VEGFC: variants seen among roughly 807,000 people sequenced by gnomAD.
VEGFC encodes the protein FLT4 ligand DHM.
A neutral mutation model predicts 46.1 loss-of-function variants in VEGFC; 12 were observed. The observed-to-expected ratio is 0.26, with a 90% confidence interval of 0.17 to 0.42. The LOEUF is 0.42. VEGFC is among the 10% of genes least tolerant of loss of function. VEGFC has a pLI of 1.00. For missense variants in VEGFC, 488 were observed against 529.4 expected (o/e 0.92, Z 0.77); for synonymous variants, 232 against 195.5 (o/e 1.19, Z -1.56).
intron 1 of VEGFC, among the ~76,000 whole-genome samples, chr4:176,764,393 C>T (rs564874606): frequency 1.2e-4 from 18 of 152,270 alleles, no homozygotes; most frequent in South Asian, 8.3e-4. Flanking sequence ...GCTAAGATCA[C>T]GGACAGAGGG....
intron 4 of VEGFC, among the ~76,000 whole-genome samples, chr4:176,698,721 C>G (rs1021856264): frequency 2.6e-5 from 4 of 152,040 alleles, no homozygotes; most frequent in African/African-American, 9.7e-5. Context: ...CCATGTCCCC[C>G]ACCCCCAAGA....
chr4:176,762,377 G>T (rs1269643962), intron 1 of VEGFC, among the ~76,000 whole-genome samples: 1 of 152,098 alleles, frequency 6.6e-6, no homozygotes, highest in Admixed American at 6.6e-5. Context: ...CTGTCCGTCT[G>T]CCATGTGAGG....
chr4:176,742,114 T>G (rs148733640), intron 1 of VEGFC, among the ~76,000 whole-genome samples: 16 of 152,106 alleles, frequency 1.1e-4, no homozygotes, highest in African/African-American at 3.6e-4. Flanking sequence ...GAGTCCCCAG[T>G]GTCTACTGTT....
rs144254091 is a variant in VEGFC, at chr4:176,738,357, T to C, written c.148-8611A>G. Among the ~76,000 whole-genome samples the C allele has an allele frequency of 9.6e-3, 1,463 of 151,946 alleles. 12 individuals are homozygous for C. Among genetic ancestry groups the C allele is most frequent in the Non-Finnish European group, 0.016 (1,102 of 67,944 alleles). On this transcript the variant is annotated intron_variant, in intron 1 of 6. Coordinates refer to ENST00000618562, the MANE Select transcript of VEGFC (RefSeq NM_005429.5). Reference sequence around the variant, plus strand: ...GGATACTGGTACAAGAAGAGACACATAGACCAATGGAACAGAACAGAGAAC... The same window carrying C: ...GGATACTGGTACAAGAAGAGACACACAGACCAATGGAACAGAACAGAGAAC...
chr4:176,686,910 T>A lies in VEGFC; in HGVS notation c.1145+277A>T, dbSNP rs13142168. On this transcript the variant is annotated intron_variant, in intron 6 of 6. Coordinates refer to ENST00000618562, the MANE Select transcript of VEGFC (RefSeq NM_005429.5). ...TTGGTGGGGGTGAAGTGGATTGCCT[T>A]TAGGTATTTTGAAAACATCCCACAG... 0.63 allele frequency among the ~76,000 whole-genome samples: 95,119 copies of A among 151,972 alleles called. 30,812 individuals are homozygous for A. Among genetic ancestry groups the A allele is most frequent in the South Asian group, 0.74 (3,556 of 4,814 alleles).
intron 1 of VEGFC, among the ~76,000 whole-genome samples, chr4:176,756,960 A>G (rs1735443824): frequency 1.3e-5 from 2 of 152,052 alleles, no homozygotes; most frequent in Non-Finnish European, 1.5e-5. Context: ...GTAAAATGAA[A>G]AATCAAGGAT....
intron 1 of VEGFC, among the ~76,000 whole-genome samples, chr4:176,768,012 G>T (rs940181725): frequency 6.6e-6 from 1 of 152,180 alleles, no homozygotes. Flanking sequence ...AAAGAAAGAA[G>T]TCAAGGATGA....
intron 1 of VEGFC, among the ~76,000 whole-genome samples, chr4:176,784,694 A>G (rs967203834): frequency 1.5e-5 from 2 of 135,322 alleles, no homozygotes; most frequent in Non-Finnish European, 3.1e-5. Flanking sequence ...CGGAGCTTGC[A>G]GTGAGCTGAG....
At chr4:176,784,937 A>G (rs1266904390) in intron 1 of VEGFC, among the ~76,000 whole-genome samples, 1 of 152,052 alleles carries the variant, frequency 6.6e-6, no homozygotes, top group Non-Finnish European at 1.5e-5. Flanking sequence ...GGACATGAAT[A>G]CAGAAAGGCA....
intron 1 of VEGFC, among the ~76,000 whole-genome samples, chr4:176,769,677 G>A (rs1735690609): frequency 6.6e-6 from 1 of 152,120 alleles, no homozygotes; most frequent in Non-Finnish European, 1.5e-5. Flanking sequence ...GGGAACTAAT[G>A]CTTTATCAGT....
chr4:176,696,945 A>C (rs1194532029), intron 4 of VEGFC, among the ~76,000 whole-genome samples: 8 of 151,464 alleles, frequency 5.3e-5, no homozygotes, highest in African/African-American at 2.0e-4. Context: ...AGAAAGCTGA[A>C]ACTGGATCCC....
intron 1 of VEGFC, among the ~76,000 whole-genome samples, chr4:176,734,389 G>A (rs1424955846): frequency 1.3e-5 from 2 of 151,778 alleles, no homozygotes; most frequent in Non-Finnish European, 2.9e-5. Context: ...AGCAGTTACT[G>A]TAATAAATAA....
At chr4:176,791,635 G>A (rs1736095048) in intron 1 of VEGFC, among the ~76,000 whole-genome samples, 2 of 152,124 alleles carry the variant, frequency 1.3e-5, no homozygotes, top group Non-Finnish European at 2.9e-5. Context: ...AACTTCAAGT[G>A]AACTCTGAAA....
chr4:176,789,773 C>T lies in VEGFC; in HGVS notation c.147+2392G>A, dbSNP rs144143672. Among the ~76,000 whole-genome samples the T allele has an allele frequency of 1.8e-3, 273 of 152,232 alleles. 1 individual carries two copies. The highest frequency in any genetic ancestry group is 6.4e-3 in the African/African-American group (264 of 41,534). ...GTCGAGGAATAAGGAGATCTTCATT[C>T]TATTTGTGATTTTTACCTACAATCT... On this transcript the variant is annotated intron_variant, in intron 1 of 6. Transcript: ENST00000618562.
chr4:176,689,517 G>T (rs1042964275), intron 4 of VEGFC: 1 of 152,130 alleles, frequency 6.6e-6, no homozygotes, highest in Non-Finnish European at 1.5e-5. Context: ...CATGGGGAAG[G>T]TCTCTTCATT....
At chr4:176,788,293 GTC>G (rs1175171624) in intron 1 of VEGFC, among the ~76,000 whole-genome samples, 3 of 152,234 alleles carry the variant, frequency 2.0e-5, no homozygotes, top group Admixed American at 6.5e-5. Flanking sequence ...CTGGAAGAAA[GTC>G]TGGGTTTATT....
At chr4:176,726,546 T>C (rs1395054535) in intron 3 of VEGFC, among the ~76,000 whole-genome samples, 1 of 152,166 alleles carries the variant, frequency 6.6e-6, no homozygotes, top group Non-Finnish European at 1.5e-5. Flanking sequence ...GGGTGAGCAA[T>C]ATAAAGAAAC....
chr4:176,786,759 T>C (rs1454536180), intron 1 of VEGFC, among the ~76,000 whole-genome samples: 3 of 152,208 alleles, frequency 2.0e-5, no homozygotes, highest in African/African-American at 7.2e-5. Context: ...TGAGTTGAAG[T>C]AGATTAAAGA....
chr4:176,719,500 C>T (rs1434841845), intron 3 of VEGFC, among the ~76,000 whole-genome samples: 1 of 152,194 alleles, frequency 6.6e-6, no homozygotes, highest in Non-Finnish European at 1.5e-5. Context: ...TGCATTCTTG[C>T]TTTCAGAAAT....
Sources: allele counts gnomAD v4.1 joint callset (sites outside exome capture counted in the v4.1 genomes callset), GRCh38; gene constraint gnomAD v4.1.1; transcripts MANE v1.5; gene names NCBI Gene and HGNC (gene_info 2026-07-23, HGNC 2026-07-21).